SETD2: variants seen among roughly 807,000 people sequenced by gnomAD.
SETD2 encodes the protein SET domain containing 2, histone lysine methyltransferase.
A neutral mutation model predicts 242.1 loss-of-function variants in SETD2; 31 were observed. The observed-to-expected ratio is 0.13, with a 90% CI of 0.10 to 0.17. The LOEUF is 0.17. Ranked by LOEUF, SETD2 falls within the 10% of genes least tolerant of loss-of-function variation. The pLI is 1.00. For synonymous variants in SETD2, 1,006 were observed against 1,066.5 expected, an observed-to-expected ratio of 0.94 and a Z score of 1.11; for missense variants, 2,481 against 3,046.3, an observed-to-expected ratio of 0.81 and a Z score of 4.37.
chr3:47,126,654 T>A lies in SETD2; in HGVS notation c.81A>T (p.Glu27Asp). 1 of 1,343,392 alleles carries A rather than the reference T, an allele frequency of 7.4e-7. No individual in the cohort carries two copies. The highest frequency in any genetic ancestry group is 1.0e-6 in the Non-Finnish European group (1 of 961,906). 83.2% of individuals were successfully genotyped at this position (1,343,392 alleles called of 1,614,324 possible). A position where few individuals can be genotyped will look rare whatever the true frequency, so the allele number is the denominator to read the frequency against. Residue 27 changes from glutamate to aspartate, a missense_variant, in exon 2 of 21, where the codon GAA becomes GAT. Glu to Asp is a conservative substitution (Grantham distance 45). Transcript: ENST00000409792. ...CTAGTTAAATTATACTTACCTCATT[T>A]TCTTCTTCTCTATTTCCATTCAGCC... is the stretch of plus-strand genomic sequence containing the variant. ...DPEHPTPEEEENEAKIENVQK... is the reference protein window; with the variant it reads ...DPEHPTPEEEDNEAKIENVQK...
At position 47,121,864 on chromosome 3, in the gene SETD2, T is replaced by C. The variant is rs2106662770; in HGVS notation, c.2772A>G (p.Ala924=). 1 of 1,614,084 alleles carries C rather than the reference T, an allele frequency of 6.2e-7. No homozygotes were observed. Among genetic ancestry groups the C allele is most frequent in the South Asian group, 1.1e-5 (1 of 91,086 alleles). Residue 924 remains alanine (A), a synonymous_variant, in exon 3 of 21, where the codon GCA becomes GCG. Transcript: ENST00000409792. ...SKKSSEFLKH[A]GKETIVEVGS... is the part of the protein sequence containing the mutation. Reference sequence around the variant, plus strand: ...CTACTTCTACTATTGTTTCTTTCCCTGCATGCTTTAAAAACTCTGAACTTT... The same window carrying C: ...CTACTTCTACTATTGTTTCTTTCCCCGCATGCTTTAAAAACTCTGAACTTT...
chr3:47,150,107 A>G (rs1575848371), intron 1 of SETD2, among the ~76,000 whole-genome samples: 1 of 133,270 alleles, frequency 7.5e-6, no homozygotes, highest in East Asian at 2.3e-4. Context: ...TCGGCTCACT[A>G]CAACCTCTGC....
intron 6 of SETD2, among the ~76,000 whole-genome samples, chr3:47,104,980 G>A (rs1274331059): frequency 1.3e-5 from 2 of 152,076 alleles, no homozygotes; most frequent in South Asian, 2.1e-4. Flanking sequence ...TGTTGCCCAG[G>A]CTGGCCTCCT....
intron 9 of SETD2, among the ~76,000 whole-genome samples, chr3:47,090,057 G>T (rs2041730478): frequency 6.6e-6 from 1 of 152,158 alleles, no homozygotes; most frequent in South Asian, 2.1e-4. Flanking sequence ...AGACGAGCCT[G>T]GCCAACATGG....
In SETD2 at chr3:47,131,204, A is replaced by G. The variant is rs183917348; in HGVS notation, c.72-4541T>C. 1.3e-3 allele frequency among the ~76,000 whole-genome samples: 203 copies of G among 152,322 alleles called. 1 individual carries two copies. Among genetic ancestry groups the G allele is most frequent in the African/African-American group, 4.5e-3 (189 of 41,556 alleles). On this transcript the variant is annotated intron_variant, in intron 1 of 20. Transcript: ENST00000409792. ...CCTTAGAAGAAAAAAGATTTACAGG[A>G]CCATAGTAGTTTATTTCAAACTACC...
chr3:47,056,266 A>G (rs2040078540), intron 15 of SETD2, among the ~76,000 whole-genome samples: 1 of 151,634 alleles, frequency 6.6e-6, no homozygotes, highest in Non-Finnish European at 1.5e-5. Flanking sequence ...CTGGGATTAC[A>G]GGCATGAGCC....
chr3:47,031,766 A>G (rs955328661), intron 18 of SETD2, among the ~76,000 whole-genome samples: 1 of 152,208 alleles, frequency 6.6e-6, no homozygotes, highest in Non-Finnish European at 1.5e-5. Context: ...GACCGCAAAG[A>G]GCTTTTATTC....
At chr3:47,041,506 AT>A in intron 17 of SETD2, 1 of 259,128 alleles carries the variant, frequency 3.9e-6, no homozygotes, top group South Asian at 3.6e-5. Flanking sequence ...GAAAAAAAAA[AT>A]TTTAAAGAAA....
At chr3:47,073,191 T>C (rs1271528276) in intron 12 of SETD2, among the ~76,000 whole-genome samples, 1 of 150,494 alleles carries the variant, frequency 6.6e-6, no homozygotes, top group Non-Finnish European at 1.5e-5. Context: ...GTCACTTTCA[T>C]AGCTAAAAGA....
At chr3:47,086,415 G>A (rs1415692529) in intron 10 of SETD2, 101 bp from the exon 11 acceptor site, 7 of 1,184,122 alleles carry the variant, frequency 5.9e-6, no homozygotes, top group Non-Finnish European at 8.3e-6. Context: ...ACACATTATA[G>A]GGTTCACTTA....
intron 4 of SETD2, among the ~76,000 whole-genome samples, chr3:47,114,526 G>A (rs1054428517): frequency 6.6e-6 from 1 of 151,940 alleles, no homozygotes. Context: ...TGATAAAATC[G>A]AACACTGATT....
intron 15 of SETD2, among the ~76,000 whole-genome samples, chr3:47,051,904 C>T (rs2039861438): frequency 6.6e-6 from 1 of 152,100 alleles, no homozygotes; most frequent in Admixed American, 6.6e-5. Flanking sequence ...TTAAGTAAGG[C>T]TCATTATGCA....
intron 1 of SETD2, among the ~76,000 whole-genome samples, chr3:47,156,081 C>G (rs894650269): frequency 2.0e-5 from 3 of 152,142 alleles, no homozygotes; most frequent in Non-Finnish European, 4.4e-5. Flanking sequence ...AGGATAGGTT[C>G]AGAGAGGCTC....
At chr3:47,152,815 G>C (rs2044023100) in intron 1 of SETD2, among the ~76,000 whole-genome samples, 1 of 152,188 alleles carries the variant, frequency 6.6e-6, no homozygotes, top group African/African-American at 2.4e-5. Flanking sequence ...CCAGTAAGCA[G>C]ACCTCCCAGA....
Position 47,067,577 on chromosome 3 carries a change from G to A in SETD2, c.6061-459C>T, listed in dbSNP as rs1029238522. Among the ~76,000 whole-genome samples the A allele has an allele frequency of 5.9e-5, 9 of 151,924 alleles. No homozygotes were observed. The East Asian group carries it at 7.7e-4, about 13-fold the overall frequency. On this transcript the variant is annotated intron_variant, in intron 12 of 20. Transcript: ENST00000409792. ...CCACAGGTGGATGCCACCATGCCCC[G>A]CTAATTTTTTCTATTTTTGTAGAGA... is the stretch of plus-strand genomic sequence containing the variant.
rs2043180624 is a variant in SETD2 at position 47,123,287 on chromosome 3, T to C, written c.1349A>G (p.Tyr450Cys). 6.4e-7 allele frequency: 1 copy of C among 1,552,104 alleles called. No homozygotes were observed. The highest frequency in any genetic ancestry group is 2.4e-5 in the East Asian group (1 of 40,920). Reference protein sequence around the residue: ...YRERTRYSRPYTDNRARESSD... With the variant: ...YRERTRYSRPCTDNRARESSD... Reference sequence around the variant, plus strand: ...ACTCTCTCGTGCTCTGTTATCTGTGTATGGCCGAGAATAGCGCGTCCTCTC... The same window carrying C: ...ACTCTCTCGTGCTCTGTTATCTGTGCATGGCCGAGAATAGCGCGTCCTCTC... The change falls in exon 3 of 21, where the codon TAC (tyrosine) becomes TGC (cysteine). Residue 450 changes from tyrosine to cysteine, a missense_variant. By Grantham distance (194) the Tyr-to-Cys change is radical (BLOSUM62 -2). Around this residue, in one of 17 missense-constraint regions of SETD2, gnomAD observed 1,300 missense variants for 1,259.2 expected, o/e 1.03. Coordinates refer to ENST00000409792, the MANE Select transcript of SETD2 (RefSeq NM_014159.7).
At chr3:47,105,371 C>T (rs150368161) in intron 6 of SETD2, among the ~76,000 whole-genome samples, 5,458 of 146,090 alleles carry the variant, frequency 0.037, 343 homozygotes, top group African/African-American at 0.13. Flanking sequence ...GATGGCACCA[C>T]TGCACTCCAG....
At chr3:47,074,167 ATC>A (rs763775683) in intron 12 of SETD2, among the ~76,000 whole-genome samples, 2 of 152,362 alleles carry the variant, frequency 1.3e-5, no homozygotes, top group Non-Finnish European at 2.9e-5. Flanking sequence ...ATAAATTGAT[ATC>A]AAGTAATCTT....
chr3:47,123,380 T>C lies in SETD2; in HGVS notation c.1256A>G (p.Tyr419Cys), dbSNP rs546591954. ...SERGSRTNLS[Y>C]SRSERSHYYD... ...ATAATGAGATCGTTCTGACCTGGAA[T>C]AGGATAAATTAGTTCTAGAGCCTCT... The change falls in exon 3 of 21, where the codon TAT becomes TGT. Residue 419 changes from tyrosine (Y) to cysteine (C), a missense_variant. By Grantham distance (194) the Tyr-to-Cys change is radical. This residue lies in a region of SETD2 where 1,300 missense variants were observed against 1,259.2 expected (regional missense o/e 1.03). Transcript: ENST00000409792. 33 of 1,551,674 alleles carry C rather than the reference T, an allele frequency of 2.1e-5. No individual in the cohort carries two copies. The South Asian group carries it at 3.0e-4, about 14-fold the overall frequency.
Sources: allele counts gnomAD v4.1 joint callset (sites outside exome capture counted in the v4.1 genomes callset), GRCh38; gene constraint gnomAD v4.1.1; regional missense constraint gnomAD v4.1.1; transcripts MANE v1.5; gene names NCBI Gene and HGNC (gene_info 2026-07-23, HGNC 2026-07-21).